The following KCNB2 variants were observed in gnomAD, a reference collection of about 807,000 sequenced individuals.
KCNB2 encodes the protein potassium voltage-gated channel subfamily B member 2.
A neutral mutation model predicts 61.5 loss-of-function variants in KCNB2; 15 were observed. The ratio of observed to expected loss-of-function variants is 0.24; its 90% CI spans 0.16 to 0.38. The LOEUF is 0.38. Ranked by LOEUF, KCNB2 falls within the 10% of genes least tolerant of loss-of-function variation. The pLI, the probability that KCNB2 is intolerant of heterozygous loss-of-function variation, is 1.00. For synonymous variants in KCNB2, 457 were observed against 446.0 expected (o/e 1.02, Z -0.31); for missense variants, 828 against 1,125.2 (o/e 0.74, Z 3.78).
chr8:72,868,897 C>G (rs553404074), intron 2 of KCNB2, among the ~76,000 whole-genome samples: 1 of 152,248 alleles, frequency 6.6e-6, no homozygotes, highest in East Asian at 1.9e-4. Flanking sequence ...TCACCACCAC[C>G]CATCACAAAG....
intron 2 of KCNB2, among the ~76,000 whole-genome samples, chr8:72,859,707 G>GTTTT (rs1187550622): frequency 4.8e-5 from 2 of 42,006 alleles, no homozygotes; most frequent in African/African-American, 6.9e-5. Flanking sequence ...ACTTCATTTC[G>GTTTT]TTTTTTTTTT....
At chr8:72,777,667 C>G (rs1017050611) in intron 2 of KCNB2, among the ~76,000 whole-genome samples, 11 of 152,124 alleles carry the variant, frequency 7.2e-5, no homozygotes, top group Non-Finnish European at 1.3e-4. Flanking sequence ...ACTAAATATA[C>G]TCTTTAAAAA....
intron 2 of KCNB2, among the ~76,000 whole-genome samples, chr8:72,639,636 T>G (rs1057098995): frequency 6.6e-6 from 1 of 152,050 alleles, no homozygotes; most frequent in Admixed American, 6.6e-5. Context: ...TCATCCGAGT[T>G]TGGCTTCTTA....
chr8:72,896,844 C>G (rs150284723), intron 2 of KCNB2, among the ~76,000 whole-genome samples: 172 of 152,184 alleles, frequency 1.1e-3, no homozygotes, highest in African/African-American at 3.5e-3. Context: ...ATCTTCAAGC[C>G]TAACAAAGAC....
At chr8:72,820,669 AC>A (rs1809482335) in intron 2 of KCNB2, among the ~76,000 whole-genome samples, 1 of 151,774 alleles carries the variant, frequency 6.6e-6, no homozygotes, top group African/African-American at 2.4e-5. Context: ...GATTATTTCT[AC>A]CTCAATTCTT....
chr8:72,925,684 C>T (rs1015539846), intron 2 of KCNB2, among the ~76,000 whole-genome samples: 2 of 152,110 alleles, frequency 1.3e-5, no homozygotes, highest in East Asian at 3.9e-4. Flanking sequence ...GGCAGTGTGG[C>T]GATTCCTCAA....
chr8:72,742,822 T>C (rs1807986369), intron 2 of KCNB2, among the ~76,000 whole-genome samples: 1 of 152,192 alleles, frequency 6.6e-6, no homozygotes, highest in African/African-American at 2.4e-5. Context: ...AGCCTATGAC[T>C]TTACCCATGA....
At chr8:72,782,418 C>A (rs1390907567) in intron 2 of KCNB2, among the ~76,000 whole-genome samples, 1 of 152,100 alleles carries the variant, frequency 6.6e-6, no homozygotes, top group Non-Finnish European at 1.5e-5. Context: ...CTCTATGAAA[C>A]CCCCTAATAA....
chr8:72,854,148 A>T (rs1399467156), intron 2 of KCNB2, among the ~76,000 whole-genome samples: 2 of 152,154 alleles, frequency 1.3e-5, no homozygotes, highest in Admixed American at 6.5e-5. Context: ...TGCTTCCTGG[A>T]CTAGTCAAAC....
At chr8:72,923,686 C>T (rs1040191708) in intron 2 of KCNB2, among the ~76,000 whole-genome samples, 1 of 150,362 alleles carries the variant, frequency 6.7e-6, no homozygotes, top group African/African-American at 2.5e-5. Context: ...ATACATTTGT[C>T]TGTACCAAAC....
chr8:72,856,636 A>C (rs1810212526), intron 2 of KCNB2, among the ~76,000 whole-genome samples: 1 of 152,212 alleles, frequency 6.6e-6, no homozygotes, highest in Admixed American at 6.5e-5. Flanking sequence ...ATTACCTGAA[A>C]AAATAAGTCA....
intron 2 of KCNB2, among the ~76,000 whole-genome samples, chr8:72,819,340 G>A (rs1809453639): frequency 6.6e-6 from 1 of 152,032 alleles, no homozygotes; most frequent in South Asian, 2.1e-4. Flanking sequence ...CCAATCCAGA[G>A]GTGATCCCCA....
chr8:72,613,297 C>T (rs538630413), intron 2 of KCNB2, among the ~76,000 whole-genome samples: 2 of 152,118 alleles, frequency 1.3e-5, no homozygotes, highest in South Asian at 2.1e-4. Context: ...ACAAAGCAGG[C>T]GATCACATCT....
intron 2 of KCNB2, among the ~76,000 whole-genome samples, chr8:72,713,593 G>A (rs530700252): frequency 3.2e-4 from 48 of 152,328 alleles, no homozygotes; most frequent in African/African-American, 1.1e-3. Context: ...ACGTGCAGCT[G>A]AGGGTCCTGA....
chr8:72,863,397 A>C (rs932596364), intron 2 of KCNB2, among the ~76,000 whole-genome samples: 2 of 152,234 alleles, frequency 1.3e-5, no homozygotes, highest in African/African-American at 4.8e-5. Context: ...TGGAATTTTT[A>C]TTAGGTTTTT....
chr8:72,658,581 A>G (rs1044642633), intron 2 of KCNB2, among the ~76,000 whole-genome samples: 1 of 152,226 alleles, frequency 6.6e-6, no homozygotes, highest in Non-Finnish European at 1.5e-5. Context: ...TTTGCATTGT[A>G]GATGAAATGG....
chr8:72,562,384 G>A (rs953627742), intron 1 of KCNB2, among the ~76,000 whole-genome samples: 3 of 152,154 alleles, frequency 2.0e-5, no homozygotes, highest in Non-Finnish European at 2.9e-5. Flanking sequence ...ATAATGCCAC[G>A]CTGCTGTAGA....
intron 2 of KCNB2, among the ~76,000 whole-genome samples, chr8:72,685,653 G>A (rs181821756): frequency 3.7e-4 from 56 of 151,604 alleles, no homozygotes; most frequent in African/African-American, 1.2e-3. Flanking sequence ...GTGGCAGAGC[G>A]GTTGAGTCAC....
intron 2 of KCNB2, among the ~76,000 whole-genome samples, chr8:72,699,755 T>G (rs1418932080): frequency 6.6e-6 from 1 of 152,168 alleles, no homozygotes; most frequent in Non-Finnish European, 1.5e-5. Context: ...TTAATCCATT[T>G]TAAGTTAATC....
Sources: allele counts gnomAD v4.1 joint callset (sites outside exome capture counted in the v4.1 genomes callset), GRCh38; gene constraint gnomAD v4.1.1; transcripts MANE v1.5; gene names NCBI Gene and HGNC (gene_info 2026-07-23, HGNC 2026-07-21).